AGXT2: variants seen among roughly 807,000 people sequenced by gnomAD.
The protein encoded by AGXT2 is alanine--glyoxylate aminotransferase 2, mitochondrial.
In AGXT2, 61 loss-of-function variants were observed where a neutral mutation model predicts 62.5. The observed-to-expected ratio is 0.98, with a 90% CI of 0.79 to 1.21. AGXT2 has a LOEUF of 1.21. AGXT2 is among the 50% of genes most tolerant of loss of function. The probability of loss-of-function intolerance (pLI) is 0.00; values close to 1 mark genes in which losing one functional copy is unlikely to be tolerated. For missense variants in AGXT2, 666 were observed against 641.5 expected (o/e 1.04, Z -0.41); for synonymous variants, 243 against 218.7 (o/e 1.11, Z -0.98).
rs562675140 is a variant in AGXT2 at position 35,034,103 on chromosome 5, C to A, written c.582-550G>T. Among the ~76,000 whole-genome samples the A allele has an allele frequency of 5.6e-4, 85 of 152,208 alleles. 1 individual carries two copies. The highest frequency in any genetic ancestry group is 1.9e-3 in the African/African-American group (78 of 41,548). ...AATGAGTTCGAACAATTTCCCATAT[C>A]AAAATCACCTTTAAACAAGGATTTA... On this transcript the variant is annotated intron_variant, in intron 5 of 13. Transcript: ENST00000231420.
intron 1 of AGXT2, among the ~76,000 whole-genome samples, chr5:35,044,416 C>T (rs1360316441): frequency 6.6e-6 from 1 of 152,208 alleles, no homozygotes; most frequent in Admixed American, 6.5e-5. Flanking sequence ...ATCATCCGCT[C>T]CGGACATGAT....
chr5:35,002,550 A>G (rs1766266908), intron 13 of AGXT2, among the ~76,000 whole-genome samples: 1 of 152,030 alleles, frequency 6.6e-6, no homozygotes, highest in Non-Finnish European at 1.5e-5. Context: ...AGCCTTTGGG[A>G]AGTGATTAGC....
Position 35,047,941 on chromosome 5 carries a change from G to T in AGXT2, c.-49C>A. On this transcript the variant is annotated 5_prime_UTR_variant, in exon 1 of 14. Coordinates refer to ENST00000231420, the MANE Select transcript of AGXT2 (RefSeq NM_031900.4). ...CCCATGGAAGCAGATTGGAGGCCGG[G>T]CTCTAACTGCTCACTATCCTGCTGG... 1 of 1,611,276 alleles carries T rather than the reference G, an allele frequency of 6.2e-7. No individual in the cohort carries two copies. The highest frequency in any genetic ancestry group is 8.5e-7 in the Non-Finnish European group (1 of 1,178,682).
At chr5:34,998,899 C>G (rs116567467) in intron 13 of AGXT2, 73 bp from the exon 14 acceptor site, 3 of 1,154,090 alleles carry the variant, frequency 2.6e-6, no homozygotes, top group African/African-American at 3.0e-5. Flanking sequence ...ATGCACTAAA[C>G]TAAAAATCCA....
At chr5:35,040,798 A>G in intron 1 of AGXT2, 135 bp from the exon 2 acceptor site, 2 of 754,718 alleles carry the variant, frequency 2.7e-6, no homozygotes, top group Non-Finnish European at 4.7e-6. Flanking sequence ...ATCAGCTTTT[A>G]GTTTGGATTT....
intron 12 of AGXT2, among the ~76,000 whole-genome samples, chr5:35,009,662 G>T (rs1288142068): frequency 6.6e-6 from 1 of 151,910 alleles, no homozygotes; most frequent in East Asian, 1.9e-4. Flanking sequence ...ACATTTTCCT[G>T]GCCCTTCTTT....
intron 7 of AGXT2, among the ~76,000 whole-genome samples, chr5:35,026,738 A>G (rs1057127142): frequency 1.7e-4 from 26 of 152,212 alleles, no homozygotes; most frequent in African/African-American, 6.0e-4. Flanking sequence ...TAAGATAGCC[A>G]TAAAGGCATA....
At chr5:35,047,399 C>T (rs943936160) in intron 1 of AGXT2, among the ~76,000 whole-genome samples, 2 of 152,136 alleles carry the variant, frequency 1.3e-5, no homozygotes, top group Admixed American at 6.5e-5. Context: ...ACCATGATCA[C>T]ACCACTGTAC....
At position 35,025,833 on chromosome 5, in the gene AGXT2, T is replaced by C; in HGVS notation, c.893A>G (p.Tyr298Cys). Residue 298 changes from tyrosine to cysteine, a missense_variant, in exon 9 of 14, where the codon TAC becomes TGC. By Grantham distance (194) the Tyr-to-Cys change is radical (BLOSUM62 -2). Transcript: ENST00000231420. Reference protein sequence around the residue: ...PIQGVNGVVQYPKGFLKEAFE... With the variant: ...PIQGVNGVVQCPKGFLKEAFE... ...GGCTTCCTTTAGAAACCCCTTTGGG[T>C]ACTGGACAACTCCATTCACACCCTG... The C allele has an allele frequency of 6.2e-7, 1 of 1,614,134 alleles. No homozygotes were observed. Among genetic ancestry groups the C allele is most frequent in the Non-Finnish European group, 8.5e-7 (1 of 1,180,000 alleles).
rs375279525 is a variant in AGXT2 at position 35,026,521 on chromosome 5, C to T, written c.770-11G>A. 14 of 1,559,996 alleles carry T rather than the reference C, an allele frequency of 9.0e-6. No individual in the cohort carries two copies. The highest frequency in any genetic ancestry group is 7.8e-6 in the Non-Finnish European group (9 of 1,146,900). On this transcript the variant is annotated splice_polypyrimidine_tract_variant and intron_variant, in intron 7 of 13. Coordinates refer to ENST00000231420, the MANE Select transcript of AGXT2 (RefSeq NM_031900.4). ...TAGCTTGGCAGCAGTCTGCAAAAAG[C>T]AAACAACAAAACAAAACAAACCACA...
intron 11 of AGXT2, among the ~76,000 whole-genome samples, chr5:35,011,339 A>T (rs1766629352): frequency 6.6e-6 from 1 of 152,076 alleles, no homozygotes; most frequent in Non-Finnish European, 1.5e-5. Flanking sequence ...GCATGCCTAT[A>T]ATCCCAGCTA....
At chr5:35,011,018 T>G (rs1271071456) in intron 11 of AGXT2, among the ~76,000 whole-genome samples, 1 of 152,222 alleles carries the variant, frequency 6.6e-6, no homozygotes, top group Admixed American at 6.5e-5. Flanking sequence ...AGCAAACACC[T>G]GTGGTTCTTG....
chr5:35,000,882 A>G (rs1233826666), intron 13 of AGXT2, among the ~76,000 whole-genome samples: 2 of 152,222 alleles, frequency 1.3e-5, no homozygotes, highest in African/African-American at 4.8e-5. Context: ...TGACTTTACA[A>G]TGATGGGAAA....
intron 12 of AGXT2, among the ~76,000 whole-genome samples, chr5:35,005,758 C>A (rs891699023): frequency 6.6e-6 from 1 of 151,986 alleles, no homozygotes; most frequent in Non-Finnish European, 1.5e-5. Flanking sequence ...TGTGCCCCAA[C>A]TGCTTGATAA....
intron 9 of AGXT2, among the ~76,000 whole-genome samples, chr5:35,016,679 T>C (rs1229008640): frequency 6.6e-6 from 1 of 152,188 alleles, no homozygotes; most frequent in Non-Finnish European, 1.5e-5. Flanking sequence ...AAAGTGGTCT[T>C]CCTTGCCCCA....
At position 35,037,001 on chromosome 5, in the gene AGXT2, G is replaced by A. The variant is rs1006003259; in HGVS notation, c.427C>T (p.His143Tyr). The A allele has an allele frequency of 3.1e-6, 5 of 1,614,080 alleles. No individual in the cohort carries two copies. Among genetic ancestry groups the A allele is most frequent in the Middle Eastern group, 1.6e-4 (1 of 6,084 alleles). ...TCTGCATATTCATGCATTGGAGGGT[G>A]GAAGAAGACGGTGCTTGTATGCCAC... The part of the protein sequence containing the change: ...RLWHTSTVFF[H>Y]PPMHEYAEKL... The change falls in exon 4 of 14, where the codon CAC (histidine) becomes TAC (tyrosine). Residue 143 changes from histidine (H) to tyrosine (Y), a missense_variant. By Grantham distance (83) the His-to-Tyr change is moderately conservative. Coordinates refer to ENST00000231420, the MANE Select transcript of AGXT2 (RefSeq NM_031900.4).
intron 9 of AGXT2, among the ~76,000 whole-genome samples, chr5:35,015,344 T>C (rs1766811568): frequency 6.6e-6 from 1 of 152,184 alleles, no homozygotes; most frequent in South Asian, 2.1e-4. Flanking sequence ...AATGACAGGG[T>C]GGCAGAATTG....
At chr5:35,040,483 G>T (rs1340707025) in intron 2 of AGXT2, 92 bp downstream of exon 2, 1 of 1,198,286 alleles carries the variant, frequency 8.3e-7, no homozygotes, top group Admixed American at 1.7e-5. Context: ...TGGCAAGCAG[G>T]GCTATTTTTG....
At chr5:35,003,921 T>C in intron 12 of AGXT2, 60 bp from the exon 13 acceptor site, 1 of 1,540,388 alleles carries the variant, frequency 6.5e-7, no homozygotes, top group Non-Finnish European at 8.9e-7. Flanking sequence ...AGGAATTATT[T>C]GCAAGAGAGG....
Sources: allele counts gnomAD v4.1 joint callset (sites outside exome capture counted in the v4.1 genomes callset), GRCh38; gene constraint gnomAD v4.1.1; transcripts MANE v1.5; gene names NCBI Gene and HGNC (gene_info 2026-07-23, HGNC 2026-07-21).